ZNF521: variants seen among roughly 807,000 people sequenced by gnomAD.
ZNF521 encodes zinc finger protein 521.
Under a neutral mutation model 105.5 loss-of-function variants are expected in ZNF521, and 14 were observed. The observed-to-expected ratio is 0.13, with a 90% CI of 0.09 to 0.21. The LOEUF (loss-of-function observed/expected upper bound fraction) is 0.21. ZNF521 is among the 10% of genes least tolerant of loss of function. The probability of loss-of-function intolerance (pLI) is 1.00; values close to 1 mark genes in which losing one functional copy is unlikely to be tolerated. For synonymous variants in ZNF521, 635 were observed against 606.0 expected (o/e 1.05, Z -0.70); for missense variants, 1,233 against 1,629.7 (o/e 0.76, Z 4.19).
intron 4 of ZNF521, among the ~76,000 whole-genome samples, chr18:25,212,065 C>T (rs2036188852): frequency 6.6e-6 from 1 of 152,144 alleles, no homozygotes; most frequent in Non-Finnish European, 1.5e-5. Flanking sequence ...ATCCTAATCA[C>T]TGCAGATTTA....
intron 5 of ZNF521, among the ~76,000 whole-genome samples, chr18:25,141,786 A>C (rs922040493): frequency 7.9e-5 from 12 of 152,126 alleles, no homozygotes; most frequent in African/African-American, 2.9e-4. Flanking sequence ...CTTTTTCGGC[A>C]ATACTCTAAT....
At chr18:25,206,010 T>C (rs1342746006) in intron 4 of ZNF521, among the ~76,000 whole-genome samples, 1 of 152,122 alleles carries the variant, frequency 6.6e-6, no homozygotes, top group East Asian at 1.9e-4. Flanking sequence ...TTGTTTGTTT[T>C]TTTGTTTTTT....
At chr18:25,205,572 T>C (rs1016820107) in intron 4 of ZNF521, among the ~76,000 whole-genome samples, 1 of 152,056 alleles carries the variant, frequency 6.6e-6, no homozygotes, top group African/African-American at 2.4e-5. Flanking sequence ...GGATGGACAA[T>C]TGGAGAGGTG....
At chr18:25,088,293 G>A (rs538636677) in intron 7 of ZNF521, among the ~76,000 whole-genome samples, 24 of 150,980 alleles carry the variant, frequency 1.6e-4, no homozygotes, top group East Asian at 9.7e-4. Context: ...TCGGCTCACC[G>A]CAAGCTCCGC....
chr18:25,161,135 T>C (rs916723864), intron 5 of ZNF521, among the ~76,000 whole-genome samples: 23 of 152,108 alleles, frequency 1.5e-4, no homozygotes, highest in Admixed American at 5.2e-4. Context: ...CGGGAGCACC[T>C]CAAACCAGAG....
intron 5 of ZNF521, among the ~76,000 whole-genome samples, chr18:25,193,533 A>G (rs576183708): frequency 1.3e-5 from 2 of 152,186 alleles, no homozygotes; most frequent in Non-Finnish European, 2.9e-5. Flanking sequence ...GACTGCCACC[A>G]ACACAGTCTA....
intron 3 of ZNF521, among the ~76,000 whole-genome samples, chr18:25,320,182 T>C (rs1229669314): frequency 6.6e-6 from 1 of 152,064 alleles, no homozygotes; most frequent in Non-Finnish European, 1.5e-5. Flanking sequence ...TTAACTTTCT[T>C]TTTTTTTGAG....
intron 3 of ZNF521, among the ~76,000 whole-genome samples, chr18:25,275,232 T>C (rs1472159513): frequency 1.3e-5 from 2 of 152,136 alleles, no homozygotes; most frequent in African/African-American, 2.4e-5. Flanking sequence ...TATCTCATAA[T>C]TGAGGTTTTG....
chr18:25,327,543 T>A (rs916062705), intron 2 of ZNF521: 3 of 700,460 alleles, frequency 4.3e-6, no homozygotes, highest in Non-Finnish European at 6.6e-6. Flanking sequence ...CCCTGATTTA[T>A]GTTTATACTT....
At chr18:25,213,203 CATTAT>C (rs1440337123) in intron 4 of ZNF521, among the ~76,000 whole-genome samples, 1 of 147,790 alleles carries the variant, frequency 6.8e-6, no homozygotes, top group Non-Finnish European at 1.5e-5. Context: ...ATTATAGTTA[CATTAT>C]AATTATATTA....
chr18:25,282,123 C>T (rs1366150213), intron 3 of ZNF521, among the ~76,000 whole-genome samples: 5 of 152,126 alleles, frequency 3.3e-5, no homozygotes, highest in African/African-American at 1.2e-4. Context: ...TTCCAAAAAA[C>T]AACTCCTCTG....
At chr18:25,300,017 G>T (rs918141345) in intron 3 of ZNF521, among the ~76,000 whole-genome samples, 2 of 152,160 alleles carry the variant, frequency 1.3e-5, no homozygotes, top group Non-Finnish European at 2.9e-5. Context: ...AACCAACAGA[G>T]AACACAGAAG....
rs113814094 is a variant in ZNF521, at chr18:25,195,152, T to C, written c.3658+8A>G. 1 of 1,595,080 alleles carries C rather than the reference T, an allele frequency of 6.3e-7. No homozygotes were observed. Among genetic ancestry groups the C allele is most frequent in the East Asian group, 2.3e-5 (1 of 43,866 alleles). The stretch of plus-strand genomic sequence containing the variant: ...TCTATCTGTAATAAGGTTTAGAGTG[T>C]CACTCACCAATCATGTGATTTGCAA... On this transcript the variant is annotated splice_region_variant and intron_variant, in intron 5 of 7. Transcript: ENST00000361524.
At chr18:25,130,861 G>A (rs1008100489) in intron 5 of ZNF521, among the ~76,000 whole-genome samples, 1 of 151,884 alleles carries the variant, frequency 6.6e-6, no homozygotes, top group Non-Finnish European at 1.5e-5. Flanking sequence ...GAGGATCACT[G>A]GAGCCCAGCA....
intron 5 of ZNF521, among the ~76,000 whole-genome samples, chr18:25,132,767 G>A (rs185618361): frequency 3.9e-5 from 6 of 152,284 alleles, no homozygotes; most frequent in Admixed American, 2.6e-4. Context: ...CCCTTGGGCC[G>A]TTCTCCTGTT....
At chr18:25,283,486 A>C (rs1910507766) in intron 3 of ZNF521, among the ~76,000 whole-genome samples, 1 of 152,232 alleles carries the variant, frequency 6.6e-6, no homozygotes, top group Non-Finnish European at 1.5e-5. Flanking sequence ...AAACCTTCAC[A>C]GGATTTTGCT....
At chr18:25,133,678 G>A (rs1456601296) in intron 5 of ZNF521, among the ~76,000 whole-genome samples, 1 of 152,116 alleles carries the variant, frequency 6.6e-6, no homozygotes, top group African/African-American at 2.4e-5. Context: ...TTTACCTCCT[G>A]TTACCAAATC....
chr18:25,157,680 C>G (rs935026879), intron 5 of ZNF521, among the ~76,000 whole-genome samples: 3 of 152,164 alleles, frequency 2.0e-5, no homozygotes, highest in African/African-American at 7.2e-5. Context: ...TAGAACCAGT[C>G]TCTGAACTTC....
At position 25,227,283 on chromosome 18, in the gene ZNF521, A is replaced by T; in HGVS notation, c.635T>A (p.Leu212Gln). ...GTGTCCGTGTAAGGAACTAGAGGAC[A>T]GAAACCCACGGCGACAAATGGCACA... ...YKCAICRRGFLSSSSLHGHMQ... is the reference protein window; with the variant it reads ...YKCAICRRGFQSSSSLHGHMQ... The change falls in exon 4 of 8, where the codon CTG (leucine) becomes CAG (glutamine). Residue 212 changes from leucine to glutamine, a missense_variant. Leu to Gln is a moderately radical substitution (Grantham distance 113). Coordinates refer to ENST00000361524, the MANE Select transcript of ZNF521 (RefSeq NM_015461.3). This position sits in a 1 kb window ranked among gnomAD's most constrained non-coding sequence, Gnocchi z 5.7. The T allele has an allele frequency of 3.1e-6, 5 of 1,614,188 alleles. No individual in the cohort carries two copies. The highest frequency in any genetic ancestry group is 3.4e-6 in the Non-Finnish European group (4 of 1,180,026).
Sources: allele counts gnomAD v4.1 joint callset (sites outside exome capture counted in the v4.1 genomes callset), GRCh38; gene constraint gnomAD v4.1.1; non-coding constraint Gnocchi (gnomAD v3.1); transcripts MANE v1.5; gene names NCBI Gene and HGNC (gene_info 2026-07-23, HGNC 2026-07-21).